Variants in APCDD1L observed in about 807,000 individuals in gnomAD.
APCDD1L encodes APC down-regulated 1 like, also known as protein APCDD1-like.
APCDD1L carries 21 observed loss-of-function variants against 24.2 expected under a neutral mutation model. That is an observed-to-expected ratio of 0.87 (90% CI 0.61 to 1.25). The LOEUF is 1.25. Among genes scored for constraint, APCDD1L ranks in the 50% most tolerant of loss-of-function variants. The probability of loss-of-function intolerance (pLI) is 0.00; values close to 1 mark genes in which losing one functional copy is unlikely to be tolerated. For missense variants in APCDD1L, 704 were observed against 711.7 expected, an observed-to-expected ratio of 0.99 and a Z score of 0.12; for synonymous variants, 321 against 323.6, an observed-to-expected ratio of 0.99 and a Z score of 0.09.
At chr20:58,486,284 A>C (rs537416118) in intron 1 of APCDD1L, among the ~76,000 whole-genome samples, 3 of 152,362 alleles carry the variant, frequency 2.0e-5, no homozygotes, top group South Asian at 4.1e-4. Context: ...GAAAATGAAC[A>C]AATAAAACTT....
At chr20:58,471,894 G>A (rs1273769949) in intron 1 of APCDD1L, among the ~76,000 whole-genome samples, 2 of 152,200 alleles carry the variant, frequency 1.3e-5, no homozygotes, top group Non-Finnish European at 2.9e-5. Context: ...AGGAGGGGCT[G>A]AGTCTTAGGG....
At chr20:58,462,803 C>T (rs1324903166) in intron 3 of APCDD1L, among the ~76,000 whole-genome samples, 2 of 148,252 alleles carry the variant, frequency 1.3e-5, no homozygotes, top group African/African-American at 5.0e-5. Context: ...GAGATCACAC[C>T]ATTGTACTCT....
At chr20:58,462,415 A>T (rs1236232724) in intron 3 of APCDD1L, among the ~76,000 whole-genome samples, 2 of 152,138 alleles carry the variant, frequency 1.3e-5, no homozygotes, top group Non-Finnish European at 2.9e-5. Context: ...TCATGTGCTC[A>T]TAGCAGGTTA....
intron 1 of APCDD1L, among the ~76,000 whole-genome samples, chr20:58,501,053 A>C (rs1447844730): frequency 1.3e-5 from 2 of 152,178 alleles, no homozygotes; most frequent in Non-Finnish European, 2.9e-5. Context: ...CCCCTCCTTG[A>C]GGCTAAGATC....
chr20:58,487,697 C>T (rs1990146679), intron 1 of APCDD1L, among the ~76,000 whole-genome samples: 1 of 152,016 alleles, frequency 6.6e-6, no homozygotes, highest in South Asian at 2.1e-4. Flanking sequence ...GTAGGATACC[C>T]AATAAAAAGC....
chr20:58,514,758 G>A lies in APCDD1L; in HGVS notation c.-51C>T, dbSNP rs77359399. ...GCCGGGCGCTGCCACGGTGCGCAAG[G>A]GGAGGCGCGGGCGCAGGGCTCTCGG... is the stretch of plus-strand genomic sequence containing the variant. On this transcript the variant is annotated 5_prime_UTR_variant, in exon 1 of 4. Coordinates refer to ENST00000371149, the MANE Select transcript of APCDD1L (RefSeq NM_153360.3). 0.056 allele frequency: 69,983 copies of A among 1,259,300 alleles called. 2,176 individuals are homozygous for A. The highest frequency in any genetic ancestry group is 0.067 in the East Asian group (2,263 of 33,562). The allele number at this position is 1,259,300 out of a possible 1,614,324, so 78.0% of individuals were successfully genotyped here. A position where few individuals can be genotyped will look rare whatever the true frequency, so the allele number is the denominator to read the frequency against.
Position 58,460,584 on chromosome 20 carries a change from C to G in APCDD1L, c.*206G>C, listed in dbSNP as rs541539048. ...GCATCCAAGTGCTTGACTGGGGACC[C>G]GGGCTGTGGGATGTGGTATAGGCTT... On this transcript the variant is annotated 3_prime_UTR_variant, in exon 4 of 4. Coordinates refer to ENST00000371149, the MANE Select transcript of APCDD1L (RefSeq NM_153360.3). The surrounding 1 kb of genome is among the most constrained non-coding windows in gnomAD (Gnocchi z 4.2). 2.0e-6 allele frequency: 1 copy of G among 505,092 alleles called. No homozygotes were observed. Among genetic ancestry groups the G allele is most frequent in the South Asian group, 8.9e-5 (1 of 11,292 alleles). The allele number at this position is 505,092 out of a possible 1,614,324, so 31.3% of individuals were successfully genotyped here.
At chr20:58,469,859 G>T (rs1989779099) in intron 2 of APCDD1L, among the ~76,000 whole-genome samples, 1 of 152,238 alleles carries the variant, frequency 6.6e-6, no homozygotes, top group Non-Finnish European at 1.5e-5. Context: ...GTCGGGGGAA[G>T]GAGGAATATG....
chr20:58,490,397 A>G (rs10211740), intron 1 of APCDD1L, among the ~76,000 whole-genome samples: 87,428 of 152,096 alleles, frequency 0.57, 25,932 homozygotes, highest in African/African-American at 0.71. Flanking sequence ...GCACCTTCAC[A>G]CCATGACAGC....
intron 1 of APCDD1L, among the ~76,000 whole-genome samples, chr20:58,471,413 T>C (rs1316478938): frequency 2.6e-5 from 4 of 152,206 alleles, no homozygotes; most frequent in African/African-American, 9.6e-5. Flanking sequence ...GGCCAAACAA[T>C]GCAGGCCCTG....
rs772309899 is a variant in APCDD1L, at chr20:58,467,701, C to T, written c.189-43G>A. ...GATGGGCTGGGTGCAGAGGGAACAC[C>T]GCGCCGCGAGCCCCTCTCCCCTCTG... is the stretch of plus-strand genomic sequence containing the variant. On this transcript the variant is annotated intron_variant, in intron 2 of 3. Transcript: ENST00000371149. This position sits in a 1 kb window ranked among gnomAD's most constrained non-coding sequence, Gnocchi z 5.9. The T allele has an allele frequency of 2.1e-6, 3 of 1,411,598 alleles. No individual in the cohort carries two copies. Among genetic ancestry groups the T allele is most frequent in the Admixed American group, 3.2e-5 (1 of 31,704 alleles). 87.4% of individuals were successfully genotyped at this position (1,411,598 alleles called of 1,614,324 possible).
rs896089215 is a variant in APCDD1L, at chr20:58,508,755, G to A, written c.49+5904C>T. Among the ~76,000 whole-genome samples, 2 of 152,204 alleles carry A rather than the reference G, an allele frequency of 1.3e-5. No homozygotes were observed. The highest frequency in any genetic ancestry group is 1.9e-4 in the East Asian group (1 of 5,192). ...TCTAGGGACCCGGGAAAGAACTGTCGATAAAACAGGCCAGGCCTTCTTCTT... is the reference window on the plus strand; with the variant it reads ...TCTAGGGACCCGGGAAAGAACTGTCAATAAAACAGGCCAGGCCTTCTTCTT... On this transcript the variant is annotated intron_variant, in intron 1 of 3. Transcript: ENST00000371149. The surrounding 1 kb of genome is among the most constrained non-coding windows in gnomAD (Gnocchi z 4.0).
chr20:58,479,716 A>C (rs1203739022), intron 1 of APCDD1L, among the ~76,000 whole-genome samples: 1 of 152,080 alleles, frequency 6.6e-6, no homozygotes, highest in Non-Finnish European at 1.5e-5. Context: ...TTTTAAATAA[A>C]AATTTCAGCA....
intron 1 of APCDD1L, among the ~76,000 whole-genome samples, chr20:58,487,755 A>C (rs559765328): frequency 6.6e-6 from 1 of 152,238 alleles, no homozygotes; most frequent in Non-Finnish European, 1.5e-5. Context: ...CAACCTGCCA[A>C]GAAAAGATGG....
intron 1 of APCDD1L, among the ~76,000 whole-genome samples, chr20:58,486,033 T>A (rs1345515103): frequency 6.6e-6 from 1 of 152,138 alleles, no homozygotes; most frequent in Admixed American, 6.5e-5. Flanking sequence ...ATTCTAAGAT[T>A]TTTCACAGAT....
chr20:58,466,736 T>C (rs1190609929), intron 3 of APCDD1L, among the ~76,000 whole-genome samples: 1 of 151,956 alleles, frequency 6.6e-6, no homozygotes, highest in Non-Finnish European at 1.5e-5. Context: ...AACGGTAGAA[T>C]GGGGACTGGA....
chr20:58,482,501 C>G (rs1990042082), intron 1 of APCDD1L, among the ~76,000 whole-genome samples: 1 of 152,206 alleles, frequency 6.6e-6, no homozygotes. Flanking sequence ...TCTCACCTTC[C>G]CTCATGACCC....
In APCDD1L at chr20:58,510,382, G is replaced by C. The variant is rs148147330; in HGVS notation, c.49+4277C>G. ...TTGTCTCGCCCTGTTGCCCAGGCTG[G>C]AGTGCATTGGTGCAATCTTGGCCCA... On this transcript the variant is annotated intron_variant, in intron 1 of 3. Coordinates refer to ENST00000371149, the MANE Select transcript of APCDD1L (RefSeq NM_153360.3). Among the ~76,000 whole-genome samples the C allele has an allele frequency of 1.8e-3, 271 of 152,234 alleles. 1 individual carries two copies. The highest frequency in any genetic ancestry group is 6.4e-3 in the African/African-American group (265 of 41,540).
chr20:58,463,256 C>G (rs1424680246), intron 3 of APCDD1L, among the ~76,000 whole-genome samples: 2 of 151,560 alleles, frequency 1.3e-5, no homozygotes, highest in Admixed American at 1.3e-4. Context: ...TGTTCATTGT[C>G]GTGTTATTTG....
Sources: allele counts gnomAD v4.1 joint callset (sites outside exome capture counted in the v4.1 genomes callset), GRCh38; gene constraint gnomAD v4.1.1; non-coding constraint Gnocchi (gnomAD v3.1); transcripts MANE v1.5; gene names NCBI Gene and HGNC (gene_info 2026-07-23, HGNC 2026-07-21).